GRAMD1B: variants seen among roughly 807,000 people sequenced by gnomAD.
The protein encoded by GRAMD1B is protein Aster-B.
A neutral mutation model predicts 99.7 loss-of-function variants in GRAMD1B; 37 were observed. The observed-to-expected ratio is 0.37, with a 90% CI of 0.29 to 0.49. The LOEUF (loss-of-function observed/expected upper bound fraction) is 0.49. Among genes scored for constraint, GRAMD1B ranks in the 20% least tolerant of loss-of-function variants. The pLI is 0.98. For synonymous variants in GRAMD1B, 427 were observed against 387.6 expected, an observed-to-expected ratio of 1.10 and a Z score of -1.19; for missense variants, 888 against 1,009.2, an observed-to-expected ratio of 0.88 and a Z score of 1.63.
At chr11:123,567,829 T>C (rs1239058484) in intron 2 of GRAMD1B, among the ~76,000 whole-genome samples, 3 of 152,214 alleles carry the variant, frequency 2.0e-5, no homozygotes. Flanking sequence ...TCCTATCACC[T>C]CTCTGGACTG....
chr11:123,534,670 C>T (rs1339970105), intron 2 of GRAMD1B, among the ~76,000 whole-genome samples: 1 of 152,006 alleles, frequency 6.6e-6, no homozygotes, highest in Non-Finnish European at 1.5e-5. Flanking sequence ...TGAGACCAGG[C>T]TGGCCAACAT....
intron 2 of GRAMD1B, among the ~76,000 whole-genome samples, chr11:123,509,619 CTG>C (rs1219428432): frequency 6.6e-6 from 1 of 152,236 alleles, no homozygotes; most frequent in Non-Finnish European, 1.5e-5. Context: ...AATATATGTA[CTG>C]TGTTTTAAGT....
At position 123,581,953 on chromosome 11, in the gene GRAMD1B, C is replaced by T. The variant is rs548207454; in HGVS notation, c.664-2359C>T. Among the ~76,000 whole-genome samples, 58 of 152,346 alleles carry T rather than the reference C, an allele frequency of 3.8e-4. No homozygotes were observed. The South Asian group carries it at 0.012, about 32-fold the overall frequency. ...GAGGAGTCACAGGCATCCGGGGTCC[C>T]CCTGTCAGCCCATGTTCCTGTTGCC... On this transcript the variant is annotated intron_variant, in intron 3 of 19. Coordinates refer to ENST00000635736, the MANE Select transcript of GRAMD1B (RefSeq NM_001387025.1).
At position 123,622,669 on chromosome 11, in the gene GRAMD1B, A is replaced by AAT. The variant is rs758360520; in HGVS notation, c.*86_*87dup. 6.3e-4 allele frequency: 211 copies of AAT among 334,910 alleles called. No individual in the cohort carries two copies. Among genetic ancestry groups the AAT allele is most frequent in the East Asian group, 1.4e-3 (23 of 16,532 alleles). 20.7% of individuals were successfully genotyped at this position (334,910 alleles called of 1,614,324 possible). A position where few individuals can be genotyped will look rare whatever the true frequency, so the allele number is the denominator to read the frequency against. Reference sequence around the variant, plus strand: ...TAGACCATATAAATATATATATATAAATATATATATATACAGAATATAAAT... The same window carrying AAT: ...TAGACCATATAAATATATATATATAAATATATATATATATACAGAATATAAAT... On this transcript the variant is annotated 3_prime_UTR_variant, in exon 20 of 20. Transcript: ENST00000635736.
chr11:123,400,728 A>G (rs1251947151), intron 1 of GRAMD1B, among the ~76,000 whole-genome samples: 1 of 152,034 alleles, frequency 6.6e-6, no homozygotes, highest in Non-Finnish European at 1.5e-5. Context: ...TCCTAATTCC[A>G]TCGTACTGGG....
At chr11:123,365,020 T>C (rs371331356) in intron 1 of GRAMD1B, among the ~76,000 whole-genome samples, 12 of 152,228 alleles carry the variant, frequency 7.9e-5, no homozygotes, top group East Asian at 5.8e-4. Flanking sequence ...AAATGTCATT[T>C]GTATCATGAC....
chr11:123,548,349 C>CATATATATATATATATATATAT (rs142360908), intron 2 of GRAMD1B, among the ~76,000 whole-genome samples: 6 of 107,752 alleles, frequency 5.6e-5, no homozygotes, highest in African/African-American at 2.7e-4. Context: ...CACACACACA[C>CATATATATATATATATATATAT]ATATATATAT....
At chr11:123,552,583 A>G (rs1945739724) in intron 2 of GRAMD1B, among the ~76,000 whole-genome samples, 1 of 152,130 alleles carries the variant, frequency 6.6e-6, no homozygotes, top group Non-Finnish European at 1.5e-5. Flanking sequence ...AATTTTCAAA[A>G]CCAAAAAGAT....
intron 2 of GRAMD1B, among the ~76,000 whole-genome samples, chr11:123,563,250 A>G (rs1378833019): frequency 6.6e-6 from 1 of 152,236 alleles, no homozygotes; most frequent in Non-Finnish European, 1.5e-5. Context: ...AATAAAAACT[A>G]TCAGAGCTGT....
At chr11:123,401,890 A>C (rs895582151) in intron 1 of GRAMD1B, among the ~76,000 whole-genome samples, 1 of 152,136 alleles carries the variant, frequency 6.6e-6, no homozygotes, top group East Asian at 1.9e-4. Flanking sequence ...CCTGGGTGAC[A>C]GAGCAAGACC....
Position 123,522,476 on chromosome 11 carries a change from G to A in GRAMD1B, c.452+41583G>A, listed in dbSNP as rs190108386. On this transcript the variant is annotated intron_variant, in intron 2 of 19. Transcript: ENST00000635736. ...TGGGATTATAGGCGTGCCCTACCAC[G>A]CGTGGCTAATTTTTGTATTTTTAAT... Among the ~76,000 whole-genome samples, 21 of 152,160 alleles carry A rather than the reference G, an allele frequency of 1.4e-4. No homozygotes were observed. In the East Asian group the frequency reaches 2.5e-3, roughly 18 times the overall value.
intron 1 of GRAMD1B, among the ~76,000 whole-genome samples, chr11:123,398,603 T>A (rs1000480377): frequency 6.6e-6 from 1 of 152,214 alleles, no homozygotes; most frequent in Non-Finnish European, 1.5e-5. Context: ...ATTGTCAATT[T>A]TTTTATTTTA....
intron 2 of GRAMD1B, among the ~76,000 whole-genome samples, chr11:123,505,939 C>T (rs1199411284): frequency 2.0e-5 from 3 of 152,112 alleles, no homozygotes; most frequent in Non-Finnish European, 2.9e-5. Flanking sequence ...CAAGGTCTTC[C>T]TTATTTCAAG....
At chr11:123,376,520 ATTC>A (rs924106498) in intron 1 of GRAMD1B, among the ~76,000 whole-genome samples, 42 of 152,192 alleles carry the variant, frequency 2.8e-4, no homozygotes, top group Non-Finnish European at 5.9e-4. Flanking sequence ...TGGCTTTTGA[ATTC>A]TGATACAGAC....
chr11:123,367,807 G>C (rs1007630140), intron 1 of GRAMD1B, among the ~76,000 whole-genome samples: 12 of 152,072 alleles, frequency 7.9e-5, no homozygotes, highest in African/African-American at 2.9e-4. Flanking sequence ...GTTATGTCCA[G>C]ATGCCATGAA....
chr11:123,597,973 A>C, intron 7 of GRAMD1B: 1 of 1,202,696 alleles, frequency 8.3e-7, no homozygotes, highest in East Asian at 2.3e-5. Flanking sequence ...TCAGATCCTC[A>C]TATGTCTTCT....
chr11:123,424,691 C>A (rs1305817620), intron 1 of GRAMD1B, among the ~76,000 whole-genome samples: 1 of 152,176 alleles, frequency 6.6e-6, no homozygotes, highest in Non-Finnish European at 1.5e-5. Flanking sequence ...AACTTAAATA[C>A]CCATTCCTCC....
intron 2 of GRAMD1B, among the ~76,000 whole-genome samples, chr11:123,506,987 A>C (rs1258996213): frequency 6.6e-6 from 1 of 152,230 alleles, no homozygotes; most frequent in Non-Finnish European, 1.5e-5. Context: ...AGCCTTCTGC[A>C]CATGTTCACC....
chr11:123,552,273 C>CTTTTT (rs71060514), intron 2 of GRAMD1B, among the ~76,000 whole-genome samples: 7 of 119,332 alleles, frequency 5.9e-5, no homozygotes, highest in Admixed American at 9.2e-5. Flanking sequence ...CTCTTTCTTT[C>CTTTTT]TTTTTTTTTT....
Sources: gnomAD v4.1 joint callset for allele counts (sites outside exome capture counted in the v4.1 genomes callset) on GRCh38, gnomAD v4.1.1 for gene constraint, MANE v1.5 for transcripts, NCBI Gene and HGNC (gene_info 2026-07-23, HGNC 2026-07-21) for gene names.